SP4: variants seen among roughly 807,000 people sequenced by gnomAD.
The protein encoded by SP4 is transcription factor Sp4.
In SP4, 19 loss-of-function variants were observed where a neutral mutation model predicts 72.8. The observed-to-expected ratio is 0.26, with a 90% CI of 0.18 to 0.38. The LOEUF is 0.38. SP4 is among the 10% of genes least tolerant of loss of function. SP4 has a pLI of 1.00. For missense variants in SP4, 1,008 were observed against 926.3 expected (o/e 1.09, Z -1.14); for synonymous variants, 395 against 333.1 (o/e 1.19, Z -2.02).
chr7:21,458,963 T>C (rs1783867261), intron 3 of SP4, among the ~76,000 whole-genome samples: 2 of 152,188 alleles, frequency 1.3e-5, no homozygotes, highest in African/African-American at 2.4e-5. Context: ...CAACCTCTCT[T>C]GGCCCTAAAC....
At chr7:21,428,656 T>TG in intron 1 of SP4, 21 bp from the exon 2 acceptor site, 1 of 1,505,374 alleles carries the variant, frequency 6.6e-7, no homozygotes, top group Non-Finnish European at 9.0e-7. Flanking sequence ...CGTGTGTGTG[T>TG]GGTGGGGGGG....
At chr7:21,464,235 T>C (rs1307698515) in intron 3 of SP4, among the ~76,000 whole-genome samples, 1 of 150,204 alleles carries the variant, frequency 6.7e-6, no homozygotes, top group Non-Finnish European at 1.5e-5. Flanking sequence ...TAGCTGGGAC[T>C]ACAGGCACCC....
intron 3 of SP4, among the ~76,000 whole-genome samples, chr7:21,453,683 A>G (rs1236355853): frequency 6.6e-6 from 1 of 152,222 alleles, no homozygotes; most frequent in African/African-American, 2.4e-5. Context: ...GTTTGCCCTC[A>G]TTTTGTAAGA....
intron 3 of SP4, among the ~76,000 whole-genome samples, chr7:21,448,413 C>T (rs1346203512): frequency 1.3e-5 from 2 of 151,962 alleles, no homozygotes; most frequent in Admixed American, 1.3e-4. Context: ...AGTCAATCCT[C>T]AGTGGTTAGG....
In SP4 at chr7:21,513,504, C is replaced by G. The variant is rs1173850472; in HGVS notation, c.*2235C>G. On this transcript the variant is annotated 3_prime_UTR_variant, in exon 6 of 6. Transcript: ENST00000222584. ...GTACAGAGGAGCATTTGGTAGTGTTCATTTTAATTTTATTATATAGGAGCT... is the reference window on the plus strand; with the variant it reads ...GTACAGAGGAGCATTTGGTAGTGTTGATTTTAATTTTATTATATAGGAGCT... The G allele has an allele frequency of 2.0e-5, 3 of 152,460 alleles. No individual in the cohort carries two copies. The highest frequency in any genetic ancestry group is 6.6e-5 in the Admixed American group (1 of 15,256). 9.4% of individuals were successfully genotyped at this position (152,460 alleles called of 1,614,324 possible).
chr7:21,507,795 C>T (rs1368426706), intron 5 of SP4, among the ~76,000 whole-genome samples: 1 of 152,066 alleles, frequency 6.6e-6, no homozygotes, highest in Non-Finnish European at 1.5e-5. Context: ...GAGCTTTTCC[C>T]TGTGTTCTCA....
At chr7:21,469,634 C>T (rs1022902768) in intron 3 of SP4, among the ~76,000 whole-genome samples, 7 of 151,358 alleles carry the variant, frequency 4.6e-5, no homozygotes, top group East Asian at 1.9e-4. Context: ...CTCCGCCTCC[C>T]GGATCCAAGT....
At position 21,511,289 on chromosome 7, in the gene SP4, A is replaced by T. The variant is rs762467671; in HGVS notation, c.*20A>T. 2 of 1,610,480 alleles carry T rather than the reference A, an allele frequency of 1.2e-6. No homozygotes were observed. The highest frequency in any genetic ancestry group is 4.5e-5 in the East Asian group (2 of 44,820). On this transcript the variant is annotated 3_prime_UTR_variant, in exon 6 of 6. Coordinates refer to ENST00000222584, the MANE Select transcript of SP4 (RefSeq NM_003112.5). ...TTCTGAAAAGTTATTTATAACAGAGACCTCTAGTGCTGCACTTGTTTACAC... is the reference window on the plus strand; with the variant it reads ...TTCTGAAAAGTTATTTATAACAGAGTCCTCTAGTGCTGCACTTGTTTACAC...
intron 3 of SP4, among the ~76,000 whole-genome samples, chr7:21,446,447 A>G (rs568829525): frequency 6.8e-6 from 1 of 146,770 alleles, no homozygotes; most frequent in Admixed American, 6.8e-5. Context: ...TGACATATTT[A>G]AAAAAAAAAA....
chr7:21,464,659 C>G (rs1784113033), intron 3 of SP4, among the ~76,000 whole-genome samples: 1 of 151,620 alleles, frequency 6.6e-6, no homozygotes, highest in Non-Finnish European at 1.5e-5. Context: ...AGGCAGTTCT[C>G]CAGTCTCAGC....
chr7:21,491,492 G>T (rs538834454), intron 5 of SP4, among the ~76,000 whole-genome samples: 1 of 152,284 alleles, frequency 6.6e-6, no homozygotes, highest in East Asian at 1.9e-4. Context: ...ACTGCTGTAA[G>T]ACAAAATTTG....
At chr7:21,445,835 A>G (rs1311677752) in intron 3 of SP4, among the ~76,000 whole-genome samples, 1 of 152,144 alleles carries the variant, frequency 6.6e-6, no homozygotes, top group East Asian at 1.9e-4. Flanking sequence ...CTCTTTTTTT[A>G]GTAACAAGCT....
intron 4 of SP4, among the ~76,000 whole-genome samples, chr7:21,480,119 C>T (rs1397439120): frequency 2.6e-5 from 4 of 151,912 alleles, no homozygotes; most frequent in Non-Finnish European, 5.9e-5. Flanking sequence ...CTTTTTCTTG[C>T]TTAGTTTCTC....
chr7:21,466,968 A>G (rs963612384), intron 3 of SP4, among the ~76,000 whole-genome samples: 10 of 152,308 alleles, frequency 6.6e-5, no homozygotes, highest in Admixed American at 5.2e-4. Context: ...CAAATGTACC[A>G]TATTTTAATT....
chr7:21,494,576 A>G (rs1410517731), intron 5 of SP4, among the ~76,000 whole-genome samples: 2 of 152,216 alleles, frequency 1.3e-5, no homozygotes, highest in Non-Finnish European at 2.9e-5. Flanking sequence ...CTAACAAAAT[A>G]TATGCAAGAC....
At chr7:21,463,392 G>C (rs1784059238) in intron 3 of SP4, among the ~76,000 whole-genome samples, 1 of 152,184 alleles carries the variant, frequency 6.6e-6, no homozygotes. Context: ...GTAATGTAAA[G>C]TTTAGGGCTT....
rs561272415 is a variant in SP4 at position 21,474,355 on chromosome 7, C to A, written c.1679-2724C>A. On this transcript the variant is annotated intron_variant, in intron 3 of 5. Coordinates refer to ENST00000222584, the MANE Select transcript of SP4 (RefSeq NM_003112.5). ...CTTCAGGGGATGTAAAGGGTACTTA[C>A]CAACTTAAAATACCTGCAGCTCCAT... 2.6e-5 allele frequency among the ~76,000 whole-genome samples: 4 copies of A among 152,290 alleles called. No individual in the cohort carries two copies. In the South Asian group the frequency reaches 8.3e-4, roughly 32 times the overall value.
At chr7:21,491,146 A>G (rs1784968452) in intron 5 of SP4, among the ~76,000 whole-genome samples, 1 of 152,366 alleles carries the variant, frequency 6.6e-6, no homozygotes, top group East Asian at 1.9e-4. Flanking sequence ...GCCATGATCC[A>G]TGGACTAAAG....
intron 5 of SP4, among the ~76,000 whole-genome samples, chr7:21,490,528 CGTGGTGTA>C (rs1299030775): frequency 6.6e-6 from 1 of 152,162 alleles, no homozygotes; most frequent in Non-Finnish European, 1.5e-5. Context: ...TGGTCCCAGT[CGTGGTGTA>C]AGTGCAGAAC....
Sources: gnomAD v4.1 joint callset for allele counts (sites outside exome capture counted in the v4.1 genomes callset) on GRCh38, gnomAD v4.1.1 for gene constraint, MANE v1.5 for transcripts, NCBI Gene and HGNC (gene_info 2026-07-23, HGNC 2026-07-21) for gene names.